The following ATRNL1 variants were observed in gnomAD, a reference collection of about 807,000 sequenced individuals.
ATRNL1 encodes attractin like 1.
Under a neutral mutation model 182.7 loss-of-function variants are expected in ATRNL1, and 95 were observed. The ratio of observed to expected loss-of-function variants is 0.52; its 90% CI spans 0.44 to 0.62. The LOEUF is 0.62. ATRNL1 is among the 20% of genes least tolerant of loss of function. ATRNL1 has a pLI of 0.00. For synonymous variants in ATRNL1, 576 were observed against 568.3 expected, an observed-to-expected ratio of 1.01 and a Z score of -0.19; for missense variants, 1,471 against 1,679.5, an observed-to-expected ratio of 0.88 and a Z score of 2.17.
chr10:115,362,935 G>C lies in ATRNL1; in HGVS notation c.3175+28516G>C, dbSNP rs535006840. ...CAGTCTATCATTGATGGACATTTGG[G>C]TTGGTTCCAAGTCTTTGCTATTGTG... On this transcript the variant is annotated intron_variant, in intron 19 of 28. Coordinates refer to ENST00000355044, the MANE Select transcript of ATRNL1 (RefSeq NM_207303.4). Among the ~76,000 whole-genome samples, 1,203 of 151,964 alleles carry C rather than the reference G, an allele frequency of 7.9e-3. 16 individuals are homozygous for C. The highest frequency in any genetic ancestry group is 0.028 in the African/African-American group (1,155 of 41,402).
intron 26 of ATRNL1, among the ~76,000 whole-genome samples, chr10:115,600,574 A>G (rs1012599457): frequency 9.2e-5 from 14 of 152,148 alleles, no homozygotes; most frequent in African/African-American, 2.9e-4. Context: ...TAAAATTGAC[A>G]AAGTATTCTT....
At chr10:115,587,539 C>A (rs1855622650) in intron 26 of ATRNL1, among the ~76,000 whole-genome samples, 1 of 150,824 alleles carries the variant, frequency 6.6e-6, no homozygotes, top group Non-Finnish European at 1.5e-5. Context: ...CCATCTGTCA[C>A]CCCTTTCTTC....
intron 8 of ATRNL1, among the ~76,000 whole-genome samples, chr10:115,176,863 C>G (rs1554886797): frequency 6.6e-6 from 1 of 151,880 alleles, no homozygotes; most frequent in Admixed American, 6.6e-5. Flanking sequence ...TGCAGTATAC[C>G]TCCTTATGTG....
chr10:115,794,338 CA>C (rs1263281197), intron 27 of ATRNL1, among the ~76,000 whole-genome samples: 1 of 152,076 alleles, frequency 6.6e-6, no homozygotes, highest in Non-Finnish European at 1.5e-5. Flanking sequence ...GAACATTTTC[CA>C]CATAACCACA....
intron 26 of ATRNL1, among the ~76,000 whole-genome samples, chr10:115,721,869 C>T (rs750090053): frequency 1.3e-5 from 2 of 152,136 alleles, no homozygotes; most frequent in Non-Finnish European, 2.9e-5. Context: ...GACCTGATGA[C>T]AGTGAAAGGT....
At chr10:115,202,692 T>C (rs1554892739) in intron 8 of ATRNL1, among the ~76,000 whole-genome samples, 2 of 144,642 alleles carry the variant, frequency 1.4e-5, no homozygotes, top group South Asian at 2.3e-4. Context: ...TCTAAAATTC[T>C]CTTTTTTGGT....
intron 26 of ATRNL1, among the ~76,000 whole-genome samples, chr10:115,653,658 G>C (rs1860147717): frequency 1.3e-5 from 2 of 152,070 alleles, no homozygotes; most frequent in Non-Finnish European, 2.9e-5. Flanking sequence ...TATTTTCTCT[G>C]TGTTCTCTAG....
At chr10:115,788,427 C>T (rs528086250) in intron 27 of ATRNL1, among the ~76,000 whole-genome samples, 3 of 152,244 alleles carry the variant, frequency 2.0e-5, no homozygotes, top group Non-Finnish European at 4.4e-5. Context: ...GTTTTCATTT[C>T]ACATTATAAA....
At chr10:115,931,688 C>T (rs953116608) in intron 28 of ATRNL1, among the ~76,000 whole-genome samples, 3 of 152,142 alleles carry the variant, frequency 2.0e-5, no homozygotes, top group East Asian at 1.9e-4. Context: ...ATATGCCTAA[C>T]GAAGAAAACA....
rs1347324012 is a variant in ATRNL1 at position 115,621,315 on chromosome 10, T to TGA, written c.3795+71780_3795+71781insAG. Among the ~76,000 whole-genome samples, 219 of 90,020 alleles carry TGA rather than the reference T, an allele frequency of 2.4e-3. 4 individuals are homozygous for TGA. The highest frequency in any genetic ancestry group is 7.6e-3 in the African/African-American group (188 of 24,682). The allele number at this position is 90,020 out of a possible 152,430, so 59.1% of individuals were successfully genotyped here. Reference sequence around the variant, plus strand: ...GAGAGAGAGAGAGAGAGAGAGAGAGTGTGTGAGTGAGTCAGCATCTTACTT... The same window carrying TGA: ...GAGAGAGAGAGAGAGAGAGAGAGAGTGAGTGTGAGTGAGTCAGCATCTTACTT... On this transcript the variant is annotated intron_variant, in intron 26 of 28. Transcript: ENST00000355044.
intron 26 of ATRNL1, among the ~76,000 whole-genome samples, chr10:115,562,593 T>C (rs1853822864): frequency 6.6e-6 from 1 of 152,154 alleles, no homozygotes; most frequent in African/African-American, 2.4e-5. Flanking sequence ...TAGAGATAAT[T>C]GAATCATGAG....
chr10:115,848,110 G>T, intron 28 of ATRNL1, 119 bp downstream of exon 28: 1 of 627,728 alleles, frequency 1.6e-6, no homozygotes, highest in Non-Finnish European at 2.8e-6. Context: ...TTAGAGCATG[G>T]TAAAATTTTA....
intron 5 of ATRNL1, among the ~76,000 whole-genome samples, chr10:115,135,386 C>G (rs1554876377): frequency 6.6e-6 from 1 of 152,166 alleles, no homozygotes; most frequent in Non-Finnish European, 1.5e-5. Flanking sequence ...TCTTATACAC[C>G]AATAACATTC....
At chr10:115,362,897 C>A (rs1471489499) in intron 19 of ATRNL1, among the ~76,000 whole-genome samples, 1 of 151,618 alleles carries the variant, frequency 6.6e-6, no homozygotes, top group African/African-American at 2.4e-5. Flanking sequence ...ATATGTGCCA[C>A]ATTTTCTTAA....
At chr10:115,772,591 C>CTGTGTGTG (rs1491162323) in intron 27 of ATRNL1, among the ~76,000 whole-genome samples, 1 of 130,556 alleles carries the variant, frequency 7.7e-6, no homozygotes, top group East Asian at 2.0e-4. Flanking sequence ...AAAATATATA[C>CTGTGTGTG]TCTGTCTGTG....
chr10:115,553,363 C>T (rs1554996090), intron 26 of ATRNL1, among the ~76,000 whole-genome samples: 1 of 151,270 alleles, frequency 6.6e-6, no homozygotes, highest in African/African-American at 2.4e-5. Flanking sequence ...TGAATAATCT[C>T]TACATTTCAT....
At chr10:115,849,923 A>C (rs1294035423) in intron 28 of ATRNL1, among the ~76,000 whole-genome samples, 3 of 152,202 alleles carry the variant, frequency 2.0e-5, no homozygotes, top group African/African-American at 7.2e-5. Flanking sequence ...AAATGTCTAC[A>C]GGGTTGATAG....
chr10:115,212,975 C>T (rs1554895363), intron 8 of ATRNL1, among the ~76,000 whole-genome samples: 1 of 152,028 alleles, frequency 6.6e-6, no homozygotes, highest in African/African-American at 2.4e-5. Context: ...AACAAACCTG[C>T]ACTTGTACCC....
intron 26 of ATRNL1, among the ~76,000 whole-genome samples, chr10:115,630,827 TACACACACACACACACACACACAC>T (rs199640218): frequency 6.2e-5 from 8 of 129,838 alleles, no homozygotes; most frequent in Non-Finnish European, 9.8e-5. Context: ...ATATGTATTA[TACACACACACACACACACACACAC>T]ACACACACAC....
Sources: gnomAD v4.1 joint callset for allele counts (sites outside exome capture counted in the v4.1 genomes callset) on GRCh38, gnomAD v4.1.1 for gene constraint, MANE v1.5 for transcripts, NCBI Gene and HGNC (gene_info 2026-07-23, HGNC 2026-07-21) for gene names.